The following JARID2 variants were observed in gnomAD, a reference collection of about 807,000 sequenced individuals.
JARID2 encodes jumonji and AT-rich interaction domain containing 2.
In JARID2, 21 loss-of-function variants were observed where a neutral mutation model predicts 125.6. That is an observed-to-expected ratio of 0.17 (90% confidence interval 0.12 to 0.24). JARID2 has a LOEUF of 0.24. JARID2 is among the 10% of genes least tolerant of loss of function. The pLI, the probability that JARID2 is intolerant of heterozygous loss-of-function variation, is 1.00. For synonymous variants in JARID2, 736 were observed against 661.6 expected (o/e 1.11, Z -1.73); for missense variants, 1,303 against 1,639.6 (o/e 0.79, Z 3.55).
chr6:15,286,201 TC>T (rs1383170895), intron 1 of JARID2, among the ~76,000 whole-genome samples: 1 of 152,004 alleles, frequency 6.6e-6, no homozygotes, highest in African/African-American at 2.4e-5. Flanking sequence ...ATGTGAGACT[TC>T]AATAATAGAA....
chr6:15,372,454 G>A (rs771761083), intron 1 of JARID2, among the ~76,000 whole-genome samples: 18 of 152,158 alleles, frequency 1.2e-4, no homozygotes, highest in Non-Finnish European at 1.9e-4. Context: ...CGCCTCCCCA[G>A]GTTCAAGTGA....
At chr6:15,275,143 G>T (rs1218458821) in intron 1 of JARID2, among the ~76,000 whole-genome samples, 1 of 152,180 alleles carries the variant, frequency 6.6e-6, no homozygotes, top group African/African-American at 2.4e-5. Flanking sequence ...AGAGCTGTTT[G>T]ATCTCTCCTT....
At chr6:15,277,049 A>T (rs1204772155) in intron 1 of JARID2, among the ~76,000 whole-genome samples, 1 of 152,194 alleles carries the variant, frequency 6.6e-6, no homozygotes, top group Non-Finnish European at 1.5e-5. Context: ...GTTCTTAGTA[A>T]AAGTGCTTTG....
At chr6:15,453,059 C>T (rs774053986) in intron 4 of JARID2, among the ~76,000 whole-genome samples, 11 of 152,082 alleles carry the variant, frequency 7.2e-5, no homozygotes, top group Non-Finnish European at 1.3e-4. Context: ...AAGTTTCCAC[C>T]CATCATCCCT....
At chr6:15,465,949 A>G (rs1439349985) in intron 4 of JARID2, among the ~76,000 whole-genome samples, 6 of 152,052 alleles carry the variant, frequency 3.9e-5, no homozygotes, top group African/African-American at 1.4e-4. Flanking sequence ...GATTACAGAC[A>G]TGCATCACCA....
At chr6:15,424,086 G>A (rs1011217904) in intron 3 of JARID2, among the ~76,000 whole-genome samples, 7 of 151,796 alleles carry the variant, frequency 4.6e-5, no homozygotes, top group African/African-American at 1.2e-4. Flanking sequence ...CTTTCTGGGA[G>A]GCACACAGAC....
At chr6:15,382,642 T>G (rs1484918867) in intron 2 of JARID2, among the ~76,000 whole-genome samples, 2 of 152,188 alleles carry the variant, frequency 1.3e-5, no homozygotes, top group Non-Finnish European at 1.5e-5. Flanking sequence ...ATTTTGAGCC[T>G]TGATGAGAAA....
intron 1 of JARID2, among the ~76,000 whole-genome samples, chr6:15,295,927 C>T (rs911965101): frequency 9.2e-5 from 14 of 152,156 alleles, no homozygotes; most frequent in East Asian, 3.9e-4. Flanking sequence ...TCCCAATGTG[C>T]GGGGATTACA....
chr6:15,489,309 T>G (rs1770034086), intron 6 of JARID2, among the ~76,000 whole-genome samples: 2 of 152,222 alleles, frequency 1.3e-5, no homozygotes, highest in Admixed American at 1.3e-4. Flanking sequence ...AGCTTCCAGA[T>G]CTTGCCTTTC....
intron 1 of JARID2, among the ~76,000 whole-genome samples, chr6:15,371,562 G>A (rs1764172785): frequency 6.6e-6 from 1 of 152,194 alleles, no homozygotes; most frequent in African/African-American, 2.4e-5. Context: ...TATTAGGAGA[G>A]CTTTCTTGCA....
At chr6:15,468,800 T>C in intron 5 of JARID2, 82 bp downstream of exon 5, 2 of 1,401,776 alleles carry the variant, frequency 1.4e-6, no homozygotes, top group Admixed American at 2.2e-5. Context: ...TGAGAAGAGA[T>C]GAGATGAAGG....
At chr6:15,339,404 A>G (rs1436739257) in intron 1 of JARID2, among the ~76,000 whole-genome samples, 1 of 152,286 alleles carries the variant, frequency 6.6e-6, no homozygotes, top group East Asian at 1.9e-4. Flanking sequence ...CAGAAATTAC[A>G]TTAGAGGACC....
chr6:15,414,968 G>C (rs980939283), intron 3 of JARID2, among the ~76,000 whole-genome samples: 1 of 152,190 alleles, frequency 6.6e-6, no homozygotes, highest in Non-Finnish European at 1.5e-5. Flanking sequence ...GCGGCTTTCC[G>C]CAGTGTTTGT....
chr6:15,427,111 C>G, intron 3 of JARID2, among the ~76,000 whole-genome samples: 1 of 152,098 alleles, frequency 6.6e-6, no homozygotes, highest in East Asian at 1.9e-4. Context: ...TTAACAAGTT[C>G]CTGTTCCTGC....
At chr6:15,330,691 G>A (rs1938976291) in intron 1 of JARID2, among the ~76,000 whole-genome samples, 1 of 152,206 alleles carries the variant, frequency 6.6e-6, no homozygotes, top group South Asian at 2.1e-4. Flanking sequence ...ATGAGTAATG[G>A]AAATAGTGTA....
chr6:15,459,205 T>C (rs946327035), intron 4 of JARID2, among the ~76,000 whole-genome samples: 1 of 152,214 alleles, frequency 6.6e-6, no homozygotes, highest in Non-Finnish European at 1.5e-5. Context: ...CATCCACATA[T>C]AGGCATCCTT....
At chr6:15,374,654 G>T (rs1438966045) in intron 2 of JARID2, among the ~76,000 whole-genome samples, 1 of 152,158 alleles carries the variant, frequency 6.6e-6, no homozygotes, top group Non-Finnish European at 1.5e-5. Flanking sequence ...TGGCTCAGCG[G>T]CTTTCTCATC....
At chr6:15,261,125 C>G (rs947791672) in intron 1 of JARID2, among the ~76,000 whole-genome samples, 7 of 152,160 alleles carry the variant, frequency 4.6e-5, no homozygotes, top group African/African-American at 7.2e-5. Flanking sequence ...TGTTTGCTTA[C>G]AGTTCTTTAA....
chr6:15,314,525 A>C (rs1219574669), intron 1 of JARID2, among the ~76,000 whole-genome samples: 1 of 152,230 alleles, frequency 6.6e-6, no homozygotes, highest in Non-Finnish European at 1.5e-5. Flanking sequence ...GAGTTCTTAT[A>C]GGCAGGGCTT....
Sources: allele counts gnomAD v4.1 joint callset (sites outside exome capture counted in the v4.1 genomes callset), GRCh38; gene constraint gnomAD v4.1.1; transcripts MANE v1.5; gene names NCBI Gene and HGNC (gene_info 2026-07-23, HGNC 2026-07-21).